Variants in RBM33 observed in about 807,000 individuals in gnomAD.
The protein encoded by RBM33 is RNA-binding protein 33.
Under a neutral mutation model 132.6 loss-of-function variants are expected in RBM33, and 28 were observed. The observed-to-expected ratio is 0.21, with a 90% confidence interval of 0.16 to 0.29. The LOEUF is 0.29. Among genes scored for constraint, RBM33 ranks in the 10% least tolerant of loss-of-function variants. The pLI, the probability that RBM33 is intolerant of heterozygous loss-of-function variation, is 1.00. For missense variants in RBM33, 1,291 were observed against 1,518.5 expected (o/e 0.85, Z 2.49); for synonymous variants, 634 against 593.0 (o/e 1.07, Z -1.01).
intron 1 of RBM33, among the ~76,000 whole-genome samples, chr7:155,663,957 C>T (rs77701643): frequency 0.037 from 5,679 of 152,208 alleles, 345 homozygotes; most frequent in African/African-American, 0.13. Flanking sequence ...TTTTAAAATA[C>T]GTTGTCAAAT....
At chr7:155,695,993 C>A (rs576414724) in intron 5 of RBM33, among the ~76,000 whole-genome samples, 1 of 152,182 alleles carries the variant, frequency 6.6e-6, no homozygotes, top group South Asian at 2.1e-4. Flanking sequence ...TCTAATTGTT[C>A]ACCACTATTT....
Position 155,673,182 on chromosome 7 carries a change from A to G in RBM33, c.171+267A>G, listed in dbSNP as rs1054580567. ...CAGTTACTGGATTGTGACAGCGTTA[A>G]CATAGAGTTATTCCTTGCCATAACA... On this transcript the variant is annotated intron_variant, in intron 3 of 17. Transcript: ENST00000401878. Among the ~76,000 whole-genome samples the G allele has an allele frequency of 2.6e-5, 4 of 151,182 alleles. No homozygotes were observed. In the East Asian group the frequency reaches 7.7e-4, roughly 29 times the overall value.
intron 2 of RBM33, among the ~76,000 whole-genome samples, chr7:155,669,539 GA>G (rs764201472): frequency 4.3e-4 from 66 of 152,178 alleles, no homozygotes; most frequent in Non-Finnish European, 7.5e-4. Context: ...TTTTAGTAGA[GA>G]AGGGGTTTCG....
intron 9 of RBM33, among the ~76,000 whole-genome samples, chr7:155,718,967 T>A (rs965224797): frequency 1.7e-4 from 26 of 151,236 alleles, no homozygotes; most frequent in East Asian, 1.4e-3. Context: ...TCTCTCTCTC[T>A]CACACACACA....
intron 5 of RBM33, among the ~76,000 whole-genome samples, chr7:155,693,384 G>T (rs967171873): frequency 6.6e-6 from 1 of 150,620 alleles, no homozygotes; most frequent in Non-Finnish European, 1.5e-5. Flanking sequence ...ACTTCCTAAG[G>T]GTTGTTTTCA....
Position 155,775,960 on chromosome 7 carries a change from CTG to C in RBM33, c.*921_*922del, listed in dbSNP as rs1461413618. 6.6e-6 allele frequency: 1 copy of C among 152,366 alleles called. No individual in the cohort carries two copies. Among genetic ancestry groups the C allele is most frequent in the East Asian group, 1.9e-4 (1 of 5,184 alleles). The allele number at this position is 152,366 out of a possible 1,614,324, so 9.4% of individuals were successfully genotyped here. ...TTGGTGGCCACTGCTTCAGTCACCTCTGTTTTTCTGAAGGCTGTTCCAGCAGG... is the reference window on the plus strand; with the variant it reads ...TTGGTGGCCACTGCTTCAGTCACCTCTTTTTCTGAAGGCTGTTCCAGCAGG... On this transcript the variant is annotated 3_prime_UTR_variant, in exon 18 of 18. Transcript: ENST00000401878.
chr7:155,648,653 A>G (rs1798267660), intron 1 of RBM33, among the ~76,000 whole-genome samples: 1 of 151,398 alleles, frequency 6.6e-6, no homozygotes, highest in Non-Finnish European at 1.5e-5. Flanking sequence ...AAAATCTTTC[A>G]TGCTTAATTT....
At chr7:155,699,075 C>T (rs1799882486) in intron 5 of RBM33, among the ~76,000 whole-genome samples, 2 of 152,158 alleles carry the variant, frequency 1.3e-5, no homozygotes, top group African/African-American at 4.8e-5. Flanking sequence ...GATTTGGATG[C>T]AGAATAAGCT....
chr7:155,656,669 AAGTC>A (rs1477693531), intron 1 of RBM33, among the ~76,000 whole-genome samples: 4 of 152,258 alleles, frequency 2.6e-5, no homozygotes, highest in Admixed American at 1.3e-4. Context: ...GTTTTCTACA[AAGTC>A]AGACATTAAA....
At chr7:155,661,098 G>T (rs1473112667) in intron 1 of RBM33, among the ~76,000 whole-genome samples, 81 of 43,574 alleles carry the variant, frequency 1.9e-3, no homozygotes, top group Non-Finnish European at 2.8e-3. Flanking sequence ...TGTGTGTGTG[G>T]TGTGTGTGTG....
At position 155,727,383 on chromosome 7, in the gene RBM33, T is replaced by C. The variant is rs146521968; in HGVS notation, c.1260+8940T>C. Among the ~76,000 whole-genome samples, 96 of 152,318 alleles carry C rather than the reference T, an allele frequency of 6.3e-4. 1 individual carries two copies. The highest frequency in any genetic ancestry group is 2.2e-3 in the African/African-American group (92 of 41,566). Reference sequence around the variant, plus strand: ...TGGGCGGTGTTGTCCTGAATAAAATTAGGGCTCTGTTACTAAGGAATAAGT... The same window carrying C: ...TGGGCGGTGTTGTCCTGAATAAAATCAGGGCTCTGTTACTAAGGAATAAGT... On this transcript the variant is annotated intron_variant, in intron 9 of 17. Transcript: ENST00000401878.
intron 5 of RBM33, among the ~76,000 whole-genome samples, chr7:155,691,522 T>C (rs992741163): frequency 3.3e-5 from 5 of 152,262 alleles, no homozygotes; most frequent in Middle Eastern, 3.2e-3. Flanking sequence ...ATATTTTCTT[T>C]ATTCTTCCCT....
In RBM33 at chr7:155,711,228, C is replaced by G. The variant is rs763240549; in HGVS notation, c.974C>G (p.Pro325Arg). The G allele has an allele frequency of 6.3e-7, 1 of 1,587,072 alleles. No individual in the cohort carries two copies. The highest frequency in any genetic ancestry group is 8.6e-7 in the Non-Finnish European group (1 of 1,166,092). ...VVPQAPPPPP[P>R]PPQQQPIRSL... ...CCCCAGGCTCCCCCTCCACCGCCACCGCCGCCTCAGCAGCAGCCGATCAGA... is the reference window on the plus strand; with the variant it reads ...CCCCAGGCTCCCCCTCCACCGCCACGGCCGCCTCAGCAGCAGCCGATCAGA... The change falls in exon 8 of 18, where the codon CCG (proline) becomes CGG (arginine). Residue 325 changes from proline to arginine, a missense_variant. Transcript: ENST00000401878.
chr7:155,674,912 T>C (rs1020404677), intron 3 of RBM33, among the ~76,000 whole-genome samples: 3 of 152,236 alleles, frequency 2.0e-5, no homozygotes, highest in African/African-American at 7.2e-5. Context: ...AATCAAGGCA[T>C]TGAAAATATA....
rs566722346 is a variant in RBM33 at position 155,661,477 on chromosome 7, G to A, written c.44-3698G>A. On this transcript the variant is annotated intron_variant, in intron 1 of 17. Transcript: ENST00000401878. ...GGCTGGAGTGCAGTGGTGTGGTCTC[G>A]GCTCCCTGCAACCTCTGCCTCCTGG... Among the ~76,000 whole-genome samples the A allele has an allele frequency of 5.8e-4, 83 of 142,818 alleles. 1 individual carries two copies. The highest frequency in any genetic ancestry group is 2.0e-3 in the African/African-American group (76 of 38,410). The allele number at this position is 142,818 out of a possible 152,430, so 93.7% of individuals were successfully genotyped here. A position where few individuals can be genotyped will look rare whatever the true frequency, so the allele number is the denominator to read the frequency against.
At position 155,763,908 on chromosome 7, in the gene RBM33, C is replaced by T; in HGVS notation, c.3076C>T (p.Leu1026=). The T allele has an allele frequency of 1.9e-6, 3 of 1,609,250 alleles. No homozygotes were observed. Among genetic ancestry groups the T allele is most frequent in the African/African-American group, 1.3e-5 (1 of 75,012 alleles). The part of the protein sequence containing the change: ...VGPQPARKVT[L]TRGGLQQPPH... The stretch of plus-strand genomic sequence containing the variant: ...ACCACAGCCTGCCCGCAAGGTGACG[C>T]TGACCAGGGGGGGCCTCCAGCAGCC... The change falls in exon 15 of 18, where the codon CTG becomes TTG. Residue 1026 remains leucine, a synonymous_variant. Coordinates refer to ENST00000401878, the MANE Select transcript of RBM33 (RefSeq NM_053043.3).
intron 9 of RBM33, among the ~76,000 whole-genome samples, chr7:155,725,681 AT>A (rs1800774884): frequency 6.6e-6 from 1 of 152,212 alleles, no homozygotes; most frequent in African/African-American, 2.4e-5. Context: ...TCAGGAAATA[AT>A]GTAAGTAGTC....
chr7:155,766,682 C>T, intron 16 of RBM33, 27 bp downstream of exon 16: 2 of 1,591,418 alleles, frequency 1.3e-6, no homozygotes, highest in Non-Finnish European at 1.7e-6. Flanking sequence ...GGCATCTGTG[C>T]CACGGGTAGT....
chr7:155,764,546 C>T (rs930794065), intron 15 of RBM33, among the ~76,000 whole-genome samples: 2 of 152,240 alleles, frequency 1.3e-5, no homozygotes, highest in Non-Finnish European at 2.9e-5. Context: ...AGGCAGGAAG[C>T]AAGGGTGCTC....
Sources: allele counts gnomAD v4.1 joint callset (sites outside exome capture counted in the v4.1 genomes callset), GRCh38; gene constraint gnomAD v4.1.1; transcripts MANE v1.5; gene names NCBI Gene and HGNC (gene_info 2026-07-23, HGNC 2026-07-21).